GNB1L: variants seen among roughly 807,000 people sequenced by gnomAD.
GNB1L encodes the protein guanine nucleotide-binding protein subunit beta-like protein 1.
In GNB1L, 20 loss-of-function variants were observed where a neutral mutation model predicts 29.1. That is an observed-to-expected ratio of 0.69 (90% CI 0.48 to 1.00). GNB1L has a LOEUF of 1.00. Ranked by LOEUF, GNB1L falls within the 50% of genes least tolerant of loss-of-function variation. GNB1L has a pLI of 0.00. For missense variants in GNB1L, 421 were observed against 464.9 expected (o/e 0.91, Z 0.87); for synonymous variants, 193 against 206.5 (o/e 0.93, Z 0.56).
Position 19,788,510 on chromosome 22 carries a change from C to T in GNB1L, c.*199G>A. 1 of 736,658 alleles carries T rather than the reference C, an allele frequency of 1.4e-6. No homozygotes were observed. The highest frequency in any genetic ancestry group is 2.4e-6 in the Non-Finnish European group (1 of 411,072). The allele number at this position is 736,658 out of a possible 1,614,324, so 45.6% of individuals were successfully genotyped here. A position where few individuals can be genotyped will look rare whatever the true frequency, so the allele number is the denominator to read the frequency against. On this transcript the variant is annotated 3_prime_UTR_variant, in exon 8 of 8. Transcript: ENST00000329517. ...AGGCCTCGGACGGCCAGGGCTCTGGCTGGCCCCCAGAGTCACCGTCCTGTG... is the reference window on the plus strand; with the variant it reads ...AGGCCTCGGACGGCCAGGGCTCTGGTTGGCCCCCAGAGTCACCGTCCTGTG...
At chr22:19,805,823 G>A (rs1393778320) in intron 6 of GNB1L, among the ~76,000 whole-genome samples, 2 of 152,206 alleles carry the variant, frequency 1.3e-5, no homozygotes, top group African/African-American at 4.8e-5. Context: ...GAGGGTGCCT[G>A]GCATGACTTA....
At chr22:19,809,200 G>A (rs948160172) in intron 5 of GNB1L, among the ~76,000 whole-genome samples, 10 of 151,794 alleles carry the variant, frequency 6.6e-5, no homozygotes, top group African/African-American at 1.9e-4. Flanking sequence ...GTGGCTGGAC[G>A]TTGAGAGGAC....
intron 2 of GNB1L, among the ~76,000 whole-genome samples, chr22:19,827,390 A>C (rs1025993712): frequency 1.3e-5 from 2 of 152,206 alleles, no homozygotes; most frequent in African/African-American, 4.8e-5. Flanking sequence ...ATTTTACTAC[A>C]CTTGCAGCTT....
At chr22:19,788,990 C>T (rs1206125359) in intron 7 of GNB1L, 30 bp from the exon 8 acceptor site, 1 of 1,568,642 alleles carries the variant, frequency 6.4e-7, no homozygotes, top group Non-Finnish European at 8.7e-7. Flanking sequence ...TGTTAGGCCA[C>T]TCCTTAAGCC....
intron 6 of GNB1L, among the ~76,000 whole-genome samples, chr22:19,804,835 C>T (rs556432739): frequency 2.6e-5 from 4 of 152,346 alleles, no homozygotes; most frequent in East Asian, 1.9e-4. Flanking sequence ...TCCCTTTCTA[C>T]GCATTTTTCT....
chr22:19,833,580 T>C (rs566733378), intron 2 of GNB1L, among the ~76,000 whole-genome samples: 2 of 152,086 alleles, frequency 1.3e-5, no homozygotes, highest in African/African-American at 2.4e-5. Flanking sequence ...TAAAATAAAA[T>C]AGGCCGGACG....
rs757648992 is a variant in GNB1L at position 19,792,399 on chromosome 22, C to T, written c.733-3439G>A. ...GGTGAATCCCCTGTTTGAGAAAAGG[C>T]CTAAGAATTTTGGCATCGGACAGGA... On this transcript the variant is annotated intron_variant, in intron 7 of 7. Coordinates refer to ENST00000329517, the MANE Select transcript of GNB1L (RefSeq NM_053004.3). The T allele has an allele frequency of 2.8e-5, 42 of 1,483,434 alleles. No homozygotes were observed. In the Admixed American group the frequency reaches 3.3e-4, roughly 12 times the overall value. 91.9% of individuals were successfully genotyped at this position (1,483,434 alleles called of 1,614,324 possible).
chr22:19,812,177 G>T, intron 5 of GNB1L, 108 bp downstream of exon 5: 1 of 1,185,968 alleles, frequency 8.4e-7, no homozygotes, highest in Non-Finnish European at 1.2e-6. Context: ...CCGGCAGGTG[G>T]GCGGCTCCAT....
intron 2 of GNB1L, chr22:19,850,769 C>G: frequency 8.0e-7 from 1 of 1,250,450 alleles, no homozygotes; most frequent in Non-Finnish European, 1.0e-6. Context: ...GCAGACGTGG[C>G]AGACCCAGTT....
chr22:19,807,388 A>G (rs1184968099), intron 5 of GNB1L, among the ~76,000 whole-genome samples: 1 of 152,116 alleles, frequency 6.6e-6, no homozygotes, highest in Non-Finnish European at 1.5e-5. Context: ...CACAAGCAGC[A>G]GACTGCCAGG....
chr22:19,853,203 C>G (rs958296676), intron 2 of GNB1L, among the ~76,000 whole-genome samples: 2 of 152,108 alleles, frequency 1.3e-5, no homozygotes, highest in African/African-American at 4.8e-5. Flanking sequence ...AGTCCCCATC[C>G]CAGCCACAGC....
At chr22:19,841,448 C>T (rs568435728) in intron 2 of GNB1L, among the ~76,000 whole-genome samples, 3 of 152,260 alleles carry the variant, frequency 2.0e-5, no homozygotes, top group African/African-American at 7.2e-5. Context: ...GGCAACATAG[C>T]AAGACCCCCA....
intron 5 of GNB1L, among the ~76,000 whole-genome samples, chr22:19,810,311 C>T (rs1009584049): frequency 1.3e-5 from 2 of 152,186 alleles, no homozygotes; most frequent in African/African-American, 4.8e-5. Flanking sequence ...CCAAAAGACC[C>T]CTCTGGGGAC....
At chr22:19,810,433 C>T (rs1404535339) in intron 5 of GNB1L, among the ~76,000 whole-genome samples, 1 of 152,022 alleles carries the variant, frequency 6.6e-6, no homozygotes, top group East Asian at 1.9e-4. Context: ...CCTGATGCCC[C>T]ACTCTGGGCG....
intron 2 of GNB1L, among the ~76,000 whole-genome samples, chr22:19,845,344 C>G (rs955904313): frequency 2.0e-5 from 3 of 152,134 alleles, no homozygotes; most frequent in Admixed American, 2.0e-4. Context: ...TCACTGAGGG[C>G]CCCCCCTATG....
At chr22:19,847,657 C>T (rs1358105304) in intron 2 of GNB1L, 3 of 984,952 alleles carry the variant, frequency 3.0e-6, no homozygotes, top group African/African-American at 1.7e-5. Context: ...ATGCACCTAG[C>T]AAGTAGTCAC....
At position 19,849,385 on chromosome 22, in the gene GNB1L, T is replaced by TGG. The variant is rs35700921; in HGVS notation, c.-21+5056_-21+5057dup. On this transcript the variant is annotated intron_variant, in intron 2 of 7. Transcript: ENST00000329517. The stretch of plus-strand genomic sequence containing the variant: ...TTGTTTTTTGTTGTTTTTTTTTTTT[T>TGG]GGGATGGAGTTTCACTCTTGTTGTC... The TGG allele has an allele frequency of 5.5e-3, 4,155 of 760,266 alleles. 1 individual carries two copies. The highest frequency in any genetic ancestry group is 7.4e-3 in the Middle Eastern group (11 of 1,486). The allele number at this position is 760,266 out of a possible 1,614,324, so 47.1% of individuals were successfully genotyped here.
At chr22:19,804,727 C>G (rs1601326161) in intron 6 of GNB1L, among the ~76,000 whole-genome samples, 1 of 152,130 alleles carries the variant, frequency 6.6e-6, no homozygotes, top group African/African-American at 2.4e-5. Context: ...TTAATGTCGG[C>G]TTTTCTTAGC....
chr22:19,848,630 T>G, intron 2 of GNB1L: 1 of 985,476 alleles, frequency 1.0e-6, no homozygotes, highest in Non-Finnish European at 1.2e-6. Context: ...GGACGCGTTT[T>G]AATTAAAAAC....
Sources: gnomAD v4.1 joint callset for allele counts (sites outside exome capture counted in the v4.1 genomes callset) on GRCh38, gnomAD v4.1.1 for gene constraint, MANE v1.5 for transcripts, NCBI Gene and HGNC (gene_info 2026-07-23, HGNC 2026-07-21) for gene names.